The following PDZRN3 variants were observed in gnomAD, a reference collection of about 807,000 sequenced individuals.
PDZRN3 encodes the protein PDZ domain containing ring finger 3, also known as E3 ubiquitin-protein ligase PDZRN3.
A neutral mutation model predicts 85.7 loss-of-function variants in PDZRN3; 38 were observed. That is an observed-to-expected ratio of 0.44 (90% CI 0.34 to 0.58). The LOEUF (loss-of-function observed/expected upper bound fraction) is 0.58, where lower values mean the gene tolerates loss of function less well. Ranked by LOEUF, PDZRN3 falls within the 20% of genes least tolerant of loss-of-function variation. The probability of loss-of-function intolerance (pLI) is 0.01; values close to 1 mark genes in which losing one functional copy is unlikely to be tolerated. For synonymous variants in PDZRN3, 759 were observed against 638.0 expected (o/e 1.19, Z -2.86); for missense variants, 1,629 against 1,506.4 (o/e 1.08, Z -1.35).
Position 73,384,074 on chromosome 3 carries a change from G to A in PDZRN3, c.2492C>T (p.Pro831Leu). 1 of 1,611,572 alleles carries A rather than the reference G, an allele frequency of 6.2e-7. No individual in the cohort carries two copies. ...CTCTTTGCTTTCCAGGGGCTGGTTG[G>A]GGTCCAGCTCCTTCAGGGACGGGCT... ...TYSPSLKELD[P>L]NQPLESKERR... is the part of the protein sequence containing the mutation. The change falls in exon 10 of 10, where the codon CCC becomes CTC. Residue 831 changes from proline (P) to leucine (L), a missense_variant. Coordinates refer to ENST00000263666, the MANE Select transcript of PDZRN3 (RefSeq NM_015009.3).
At chr3:73,511,344 A>G (rs1294596429) in intron 3 of PDZRN3, among the ~76,000 whole-genome samples, 2 of 152,198 alleles carry the variant, frequency 1.3e-5, no homozygotes, top group African/African-American at 2.4e-5. Context: ...TTTGTTGTCC[A>G]TGCTAGAAAA....
At chr3:73,568,636 C>A (rs1701991908) in intron 3 of PDZRN3, among the ~76,000 whole-genome samples, 1 of 152,182 alleles carries the variant, frequency 6.6e-6, no homozygotes, top group South Asian at 2.1e-4. Context: ...GATTCCCGGG[C>A]AACTCGCTTG....
intron 3 of PDZRN3, among the ~76,000 whole-genome samples, chr3:73,425,733 A>T (rs1431019589): frequency 6.6e-6 from 1 of 152,190 alleles, no homozygotes; most frequent in Non-Finnish European, 1.5e-5. Context: ...TAAGACTTTT[A>T]AAAATGGTCA....
intron 3 of PDZRN3, among the ~76,000 whole-genome samples, chr3:73,552,994 T>C (rs1701598871): frequency 6.6e-6 from 1 of 151,872 alleles, no homozygotes; most frequent in East Asian, 1.9e-4. Flanking sequence ...AGGAGAGGAG[T>C]ATCAGGTGAC....
At chr3:73,476,963 G>T (rs1490273011) in intron 3 of PDZRN3, among the ~76,000 whole-genome samples, 1 of 152,100 alleles carries the variant, frequency 6.6e-6, no homozygotes, top group Non-Finnish European at 1.5e-5. Flanking sequence ...TTTTTTTTAA[G>T]CACTAAATAT....
chr3:73,449,105 C>T (rs1173249245), intron 3 of PDZRN3, among the ~76,000 whole-genome samples: 1 of 152,158 alleles, frequency 6.6e-6, no homozygotes, highest in African/African-American at 2.4e-5. Context: ...AAAATATTCT[C>T]ATTTCATGGT....
chr3:73,462,813 A>C (rs1360304968), intron 3 of PDZRN3, among the ~76,000 whole-genome samples: 1 of 152,182 alleles, frequency 6.6e-6, no homozygotes, highest in East Asian at 1.9e-4. Flanking sequence ...ACATTAGCAC[A>C]TTTAACATTT....
In PDZRN3 at chr3:73,383,942, G is replaced by A. The variant is rs775709236; in HGVS notation, c.2624C>T (p.Ala875Val). ...GTAGCTCTGGTAGTGCTGGGCGTGCGCCGGGATGTGCGCGTGCTTGTATGG... is the reference window on the plus strand; with the variant it reads ...GTAGCTCTGGTAGTGCTGGGCGTGCACCGGGATGTGCGCGTGCTTGTATGG... ...HSPYKHAHIP[A>V]HAQHYQSYMQ... The change falls in exon 10 of 10, where the codon GCG (alanine) becomes GTG (valine). Residue 875 changes from alanine to valine, a missense_variant. By Grantham distance (64) the Ala-to-Val change is moderately conservative (BLOSUM62 0). Transcript: ENST00000263666. 11 of 1,604,484 alleles carry A rather than the reference G, an allele frequency of 6.9e-6. No homozygotes were observed. Among genetic ancestry groups the A allele is most frequent in the South Asian group, 1.1e-5 (1 of 89,608 alleles).
intron 1 of PDZRN3, among the ~76,000 whole-genome samples, chr3:73,616,711 G>A (rs922783810): frequency 6.6e-6 from 1 of 152,136 alleles, no homozygotes; most frequent in African/African-American, 2.4e-5. Context: ...AATCCTACAG[G>A]TGTCCAGCAC....
Position 73,584,716 on chromosome 3 carries a change from T to C in PDZRN3, c.918+17638A>G, listed in dbSNP as rs184356519. ...GTCTCTCTAAATACAAAAGCTACGT[T>C]GCATTCTATAGTTAATATGTTCATT... On this transcript the variant is annotated intron_variant, in intron 3 of 9. Transcript: ENST00000263666. 2.7e-3 allele frequency among the ~76,000 whole-genome samples: 409 copies of C among 152,306 alleles called. 8 individuals are homozygous for C. Among genetic ancestry groups the C allele is most frequent in the Admixed American group, 0.025 (381 of 15,292 alleles).
chr3:73,514,133 C>T (rs1471234758), intron 3 of PDZRN3, among the ~76,000 whole-genome samples: 1 of 152,078 alleles, frequency 6.6e-6, no homozygotes, highest in East Asian at 1.9e-4. Flanking sequence ...GTGTTGTCTT[C>T]AGGATTAGGG....
chr3:73,475,479 T>C (rs964266110), intron 3 of PDZRN3, among the ~76,000 whole-genome samples: 1 of 152,244 alleles, frequency 6.6e-6, no homozygotes, highest in African/African-American at 2.4e-5. Flanking sequence ...GAACCCATTA[T>C]GTTTTGTTGC....
intron 3 of PDZRN3, among the ~76,000 whole-genome samples, chr3:73,470,295 T>TG (rs1447294023): frequency 6.6e-6 from 1 of 152,244 alleles, no homozygotes; most frequent in Non-Finnish European, 1.5e-5. Context: ...TAAGTGAAAT[T>TG]GCCGTGTAAA....
At chr3:73,579,136 G>A (rs1318828805) in intron 3 of PDZRN3, among the ~76,000 whole-genome samples, 52 of 152,240 alleles carry the variant, frequency 3.4e-4, no homozygotes, top group Admixed American at 1.3e-4. Flanking sequence ...CTACCCTTGG[G>A]ACTAGGATTA....
intron 3 of PDZRN3, among the ~76,000 whole-genome samples, chr3:73,509,288 C>T (rs969734397): frequency 6.6e-6 from 1 of 152,202 alleles, no homozygotes; most frequent in African/African-American, 2.4e-5. Flanking sequence ...CTCAGGGCAA[C>T]ACGCTCACTA....
intron 3 of PDZRN3, among the ~76,000 whole-genome samples, chr3:73,574,563 A>G (rs1335312634): frequency 1.3e-5 from 2 of 151,978 alleles, no homozygotes; most frequent in Non-Finnish European, 2.9e-5. Flanking sequence ...TGTTCAAGCA[A>G]TTCTCTTGCC....
intron 5 of PDZRN3, among the ~76,000 whole-genome samples, chr3:73,391,921 G>A (rs991027870): frequency 6.6e-6 from 1 of 152,058 alleles, no homozygotes; most frequent in African/African-American, 2.4e-5. Context: ...TAAGTTCTCC[G>A]GTAGATCCTT....
Position 73,598,753 on chromosome 3 carries a change from A to G in PDZRN3, c.918+3601T>C, listed in dbSNP as rs1317086966. ...GAGCACTCATGTAGGGAACCCAAAT[A>G]GGGGACATCATGTAGGCAGTCTAGC... On this transcript the variant is annotated intron_variant, in intron 3 of 9. Transcript: ENST00000263666. 2.0e-5 allele frequency among the ~76,000 whole-genome samples: 3 copies of G among 151,974 alleles called. No individual in the cohort carries two copies. The East Asian group carries it at 5.8e-4, about 29-fold the overall frequency.
At chr3:73,593,711 C>T (rs7630779) in intron 3 of PDZRN3, among the ~76,000 whole-genome samples, 3,447 of 15,530 alleles carry the variant, frequency 0.22, 101 homozygotes, top group African/African-American at 0.29. Context: ...AATAAATATA[C>T]ACACACACAC....
Sources: allele counts gnomAD v4.1 joint callset (sites outside exome capture counted in the v4.1 genomes callset), GRCh38; gene constraint gnomAD v4.1.1; transcripts MANE v1.5; gene names NCBI Gene and HGNC (gene_info 2026-07-23, HGNC 2026-07-21).